SLC30A10: variants seen among roughly 807,000 people sequenced by gnomAD.
SLC30A10 encodes solute carrier family 30 member 10.
SLC30A10 carries 8 observed loss-of-function variants against 21.7 expected under a neutral mutation model. The observed-to-expected ratio is 0.37, with a 90% CI of 0.22 to 0.67. The LOEUF is 0.67. Ranked by LOEUF, SLC30A10 falls within the 30% of genes least tolerant of loss-of-function variation. The probability of loss-of-function intolerance (pLI) is 0.58; values close to 1 mark genes in which losing one functional copy is unlikely to be tolerated. For synonymous variants in SLC30A10, 272 were observed against 279.4 expected (o/e 0.97, Z 0.26); for missense variants, 521 against 642.5 (o/e 0.81, Z 2.04).
chr1:219,957,615 C>T (rs1660370158), intron 1 of SLC30A10, among the ~76,000 whole-genome samples: 1 of 152,168 alleles, frequency 6.6e-6, no homozygotes, highest in Admixed American at 6.5e-5. Context: ...TCCTTATTAA[C>T]TCCATATTAC....
chr1:219,925,315 C>T (rs1339624448), intron 2 of SLC30A10, among the ~76,000 whole-genome samples: 1 of 152,034 alleles, frequency 6.6e-6, no homozygotes, highest in Non-Finnish European at 1.5e-5. Context: ...GGGCAGATTG[C>T]CTGAGGTCAG....
intron 1 of SLC30A10, among the ~76,000 whole-genome samples, chr1:219,940,225 G>T (rs908116928): frequency 2.6e-5 from 4 of 152,198 alleles, no homozygotes; most frequent in Non-Finnish European, 5.9e-5. Flanking sequence ...CCACCCTAGT[G>T]CAAGGAAGCC....
At chr1:219,916,496 G>A (rs929303708) in intron 3 of SLC30A10, among the ~76,000 whole-genome samples, 2 of 152,206 alleles carry the variant, frequency 1.3e-5, no homozygotes, top group Non-Finnish European at 2.9e-5. Context: ...AAGGATATGA[G>A]AAAATGTACA....
chr1:219,952,979 G>C (rs536702344), intron 1 of SLC30A10, among the ~76,000 whole-genome samples: 149 of 152,294 alleles, frequency 9.8e-4, no homozygotes, highest in Middle Eastern at 3.4e-3. Flanking sequence ...TAGGTAAGCT[G>C]TCAGGAACGT....
chr1:219,935,815 C>T (rs189419552), intron 1 of SLC30A10, among the ~76,000 whole-genome samples: 1 of 152,098 alleles, frequency 6.6e-6, no homozygotes, highest in East Asian at 1.9e-4. Context: ...CATGTATGTC[C>T]CCTTAATCCA....
At position 219,918,575 on chromosome 1, in the gene SLC30A10, A is replaced by G; in HGVS notation, c.719-81T>C. 6.7e-7 allele frequency: 1 copy of G among 1,496,772 alleles called. No homozygotes were observed. Among genetic ancestry groups the G allele is most frequent in the Non-Finnish European group, 8.9e-7 (1 of 1,122,996 alleles). The allele number at this position is 1,496,772 out of a possible 1,614,324, so 92.7% of individuals were successfully genotyped here. On this transcript the variant is annotated intron_variant, in intron 2 of 3. Transcript: ENST00000366926. This position sits in a 1 kb window ranked among gnomAD's most constrained non-coding sequence, Gnocchi z 4.4. ...CTCACTGACTTGGGTGTCCGGGTAT[A>G]TGAATATCTGTTACCATTTGGAGTT...
In SLC30A10 at chr1:219,922,176, GTTTTTTTTTTTTTTTTTTTTTTT is replaced by G. The variant is rs869249213; in HGVS notation, c.719-3705_719-3683del. 1.0e-3 allele frequency among the ~76,000 whole-genome samples: 38 copies of G among 36,448 alleles called. 3 individuals are homozygous for G. The highest frequency in any genetic ancestry group is 4.0e-3 in the African/African-American group (36 of 9,000). The allele number at this position is 36,448 out of a possible 152,430, so 23.9% of individuals were successfully genotyped here. On this transcript the variant is annotated intron_variant, in intron 2 of 3. Coordinates refer to ENST00000366926, the MANE Select transcript of SLC30A10 (RefSeq NM_018713.3). ...TTCTTGTTTGTGTGTGTGTGTGTGT[GTTTTTTTTTTTTTTTTTTTTTTT>G]TTTTTTTTTTTTTTTTTTTTTTTTT...
intron 1 of SLC30A10, among the ~76,000 whole-genome samples, chr1:219,937,585 C>T (rs1205223489): frequency 1.3e-5 from 2 of 152,182 alleles, no homozygotes; most frequent in African/African-American, 2.4e-5. Context: ...GATGCCAAGG[C>T]GGGCGGATCA....
At chr1:219,942,916 G>A (rs1660139282) in intron 1 of SLC30A10, among the ~76,000 whole-genome samples, 1 of 152,110 alleles carries the variant, frequency 6.6e-6, no homozygotes, top group South Asian at 2.1e-4. Flanking sequence ...ATGGTGGCAA[G>A]GGCCTGTAAT....
chr1:219,936,834 A>G (rs1459827909), intron 1 of SLC30A10, among the ~76,000 whole-genome samples: 1 of 152,192 alleles, frequency 6.6e-6, no homozygotes, highest in Non-Finnish European at 1.5e-5. Context: ...GGTTTTCCTT[A>G]TATTTCATTG....
chr1:219,922,762 C>A (rs1418400130), intron 2 of SLC30A10, among the ~76,000 whole-genome samples: 1 of 152,198 alleles, frequency 6.6e-6, no homozygotes, highest in African/African-American at 2.4e-5. Context: ...ATAATGATAA[C>A]AGGCACCATT....
At chr1:219,942,833 T>C (rs1486805780) in intron 1 of SLC30A10, among the ~76,000 whole-genome samples, 1 of 152,136 alleles carries the variant, frequency 6.6e-6, no homozygotes, top group African/African-American at 2.4e-5. Context: ...TCACTTGAGG[T>C]CAGGAGTTTG....
At chr1:219,924,779 T>C (rs1181013546) in intron 2 of SLC30A10, among the ~76,000 whole-genome samples, 2 of 152,250 alleles carry the variant, frequency 1.3e-5, no homozygotes, top group Non-Finnish European at 2.9e-5. Flanking sequence ...TAGCTAGTTT[T>C]CCTACTATAA....
rs1472769029 is a variant in SLC30A10, at chr1:219,915,486, T to C, written c.1421A>G (p.Gln474Arg). Residue 474 changes from glutamine to arginine, a missense_variant, in exon 4 of 4, where the codon CAG (glutamine) becomes CGG (arginine). Gln to Arg is a conservative substitution (Grantham distance 43). Transcript: ENST00000366926. ...TCTGTTGACATAACATTGGTCCTCCTGAGTTTTGTTAAGACTTTGTCCGTG... is the reference window on the plus strand; with the variant it reads ...TCTGTTGACATAACATTGGTCCTCCCGAGTTTTGTTAAGACTTTGTCCGTG... ...SDHGQSLNKTQEDQCYVNRTH... is the reference protein window; with the variant it reads ...SDHGQSLNKTREDQCYVNRTH... The C allele has an allele frequency of 3.1e-6, 5 of 1,614,248 alleles. No individual in the cohort carries two copies. The highest frequency in any genetic ancestry group is 3.4e-6 in the Non-Finnish European group (4 of 1,180,032).
At position 219,915,480 on chromosome 1, in the gene SLC30A10, T is replaced by G. The variant is rs774446472; in HGVS notation, c.1427A>C (p.Asp476Ala). ...HGQSLNKTQE[D>A]QCYVNRTHF ...ATGCGTTCTGTTGACATAACATTGGTCCTCCTGAGTTTTGTTAAGACTTTG... is the reference window on the plus strand; with the variant it reads ...ATGCGTTCTGTTGACATAACATTGGGCCTCCTGAGTTTTGTTAAGACTTTG... Residue 476 changes from aspartate to alanine, a missense_variant, in exon 4 of 4, where the codon GAC (aspartate) becomes GCC (alanine). Coordinates refer to ENST00000366926, the MANE Select transcript of SLC30A10 (RefSeq NM_018713.3). 5.0e-6 allele frequency: 8 copies of G among 1,614,070 alleles called. No homozygotes were observed. In the East Asian group the frequency reaches 1.8e-4, roughly 36 times the overall value.
upstream of SLC30A10, among the ~76,000 whole-genome samples, chr1:219,932,393 AT>A (rs1464848289): frequency 2.0e-5 from 3 of 152,320 alleles, no homozygotes; most frequent in Middle Eastern, 3.4e-3. Flanking sequence ...ACTAAAAATT[AT>A]TTTTATACTG....
chr1:219,942,232 G>T (rs965377317), intron 1 of SLC30A10, among the ~76,000 whole-genome samples: 1 of 152,216 alleles, frequency 6.6e-6, no homozygotes, highest in Non-Finnish European at 1.5e-5. Flanking sequence ...AAGGTAAGTT[G>T]AAGTCAGAAT....
chr1:219,953,920 A>G (rs1459036790), intron 1 of SLC30A10, among the ~76,000 whole-genome samples: 1 of 151,614 alleles, frequency 6.6e-6, no homozygotes, highest in Non-Finnish European at 1.5e-5. Context: ...GTTAGGCAGG[A>G]TGGTCTCGAT....
In SLC30A10 at chr1:219,913,279, G is replaced by A. The variant is rs555957722; in HGVS notation, c.*2170C>T. Among the ~76,000 whole-genome samples the A allele has an allele frequency of 6.6e-6, 1 of 152,324 alleles. No homozygotes were observed. The stretch of plus-strand genomic sequence containing the variant: ...CTCCAGGCCATAATCTGGTATAACT[G>A]TCTATCAAGATACTTTTCTGAAGTT... On this transcript the variant is annotated 3_prime_UTR_variant, in exon 4 of 4. Transcript: ENST00000366926.
Sources: gnomAD v4.1 joint callset for allele counts (sites outside exome capture counted in the v4.1 genomes callset) on GRCh38, gnomAD v4.1.1 for gene constraint, Gnocchi (gnomAD v3.1) non-coding constraint, MANE v1.5 for transcripts, NCBI Gene and HGNC (gene_info 2026-07-23, HGNC 2026-07-21) for gene names.